The following PTN variants were observed in gnomAD, a reference collection of about 807,000 sequenced individuals.
PTN encodes the protein heparin affin regulatory protein.
In PTN, 18 loss-of-function variants were observed where a neutral mutation model predicts 24.1. The observed-to-expected ratio is 0.75, with a 90% CI of 0.52 to 1.11. The LOEUF (loss-of-function observed/expected upper bound fraction) is 1.11, where lower values mean the gene tolerates loss of function less well. Among genes scored for constraint, PTN ranks in the 50% least tolerant of loss-of-function variants. The pLI is 0.00. For synonymous variants in PTN, 78 were observed against 68.6 expected, an observed-to-expected ratio of 1.14 and a Z score of -0.67; for missense variants, 163 against 198.8, an observed-to-expected ratio of 0.82 and a Z score of 1.08.
rs994407645 is a variant in PTN at position 137,238,008 on chromosome 7, C to A, written c.452-9933G>T. ...ATGCATGAACACTAGGACGCTAGAA[C>A]AATTTTACTTCCTTCTTGCTCTTTG... On this transcript the variant is annotated intron_variant, in intron 4 of 4. Coordinates refer to ENST00000348225, the MANE Select transcript of PTN (RefSeq NM_002825.7). Among the ~76,000 whole-genome samples the A allele has an allele frequency of 2.0e-5, 3 of 152,210 alleles. 1 individual carries two copies. In the South Asian group the frequency reaches 6.2e-4, roughly 32 times the overall value.
intron 4 of PTN, among the ~76,000 whole-genome samples, chr7:137,240,506 C>T (rs542879558): frequency 1.3e-5 from 2 of 152,180 alleles, no homozygotes; most frequent in East Asian, 1.9e-4. Context: ...CACTTGCTCG[C>T]TAAAATATTT....
intron 1 of PTN, among the ~76,000 whole-genome samples, chr7:137,277,405 C>T (rs907843258): frequency 3.3e-5 from 5 of 152,202 alleles, no homozygotes; most frequent in Admixed American, 1.3e-4. Flanking sequence ...AACCCAGCCA[C>T]TTTTCCCAAG....
intron 4 of PTN, among the ~76,000 whole-genome samples, chr7:137,232,901 C>T (rs1808452474): frequency 1.3e-5 from 2 of 151,900 alleles, no homozygotes; most frequent in Non-Finnish European, 2.9e-5. Flanking sequence ...TTTCCTGCCA[C>T]CCTGTGAAGA....
chr7:137,315,765 C>T (rs1048044851), intron 1 of PTN, among the ~76,000 whole-genome samples: 1 of 152,058 alleles, frequency 6.6e-6, no homozygotes, highest in Non-Finnish European at 1.5e-5. Context: ...AGAAGGGCGG[C>T]TTTGGAGCTG....
At chr7:137,255,854 AC>A (rs1192622218) in intron 1 of PTN, among the ~76,000 whole-genome samples, 2 of 152,198 alleles carry the variant, frequency 1.3e-5, no homozygotes, top group African/African-American at 4.8e-5. Flanking sequence ...CAATGGCTAC[AC>A]CATATCATGG....
intron 1 of PTN, among the ~76,000 whole-genome samples, chr7:137,271,664 A>G (rs1007847208): frequency 6.6e-6 from 1 of 152,216 alleles, no homozygotes; most frequent in African/African-American, 2.4e-5. Context: ...AATTGAAAAG[A>G]GCTGGAGACT....
chr7:137,233,874 T>C (rs1808471512), intron 4 of PTN, among the ~76,000 whole-genome samples: 2 of 144,480 alleles, frequency 1.4e-5, no homozygotes, highest in Admixed American at 6.9e-5. Context: ...TACAGACTCA[T>C]ATAAAAACCA....
At chr7:137,312,412 C>G (rs888453829) in intron 1 of PTN, among the ~76,000 whole-genome samples, 1 of 152,192 alleles carries the variant, frequency 6.6e-6, no homozygotes, top group African/African-American at 2.4e-5. Context: ...AAATGAGAAA[C>G]AGAAGATGCT....
chr7:137,231,762 G>C (rs2128867358), intron 4 of PTN, among the ~76,000 whole-genome samples: 1 of 152,036 alleles, frequency 6.6e-6, no homozygotes, highest in Admixed American at 6.6e-5. Flanking sequence ...TCAAATTTCA[G>C]TCTATCTTTA....
At chr7:137,241,851 C>T (rs1185949363) in intron 4 of PTN, among the ~76,000 whole-genome samples, 1 of 152,144 alleles carries the variant, frequency 6.6e-6, no homozygotes, top group East Asian at 1.9e-4. Flanking sequence ...CTCTTCTGGC[C>T]AAGTACAAGG....
At chr7:137,280,734 T>TGG (rs1308175321) in intron 1 of PTN, among the ~76,000 whole-genome samples, 4 of 43,472 alleles carry the variant, frequency 9.2e-5, no homozygotes, top group Non-Finnish European at 2.1e-4. Flanking sequence ...AAGCTGAGTG[T>TGG]GGTGGCACGT....
chr7:137,256,095 T>C (rs893934148), intron 1 of PTN, among the ~76,000 whole-genome samples: 1 of 152,268 alleles, frequency 6.6e-6, no homozygotes, highest in Non-Finnish European at 1.5e-5. Flanking sequence ...ATTTTCCTCA[T>C]TGAAAAATAT....
In PTN at chr7:137,280,620, G is replaced by A. The variant is rs555969350; in HGVS notation, c.-1-25646C>T. Among the ~76,000 whole-genome samples the A allele has an allele frequency of 1.6e-4, 23 of 148,010 alleles. 1 individual carries two copies. The South Asian group carries it at 4.1e-3, about 26-fold the overall frequency. On this transcript the variant is annotated intron_variant, in intron 1 of 4. Transcript: ENST00000348225. ...TGTAATCCCAGCAATTTGGGAGGCCGAGGCAGGTGGATCACTTGAGGCCAG... is the reference window on the plus strand; with the variant it reads ...TGTAATCCCAGCAATTTGGGAGGCCAAGGCAGGTGGATCACTTGAGGCCAG...
intron 4 of PTN, 126 bp from the exon 5 acceptor site, chr7:137,228,201 G>T (rs556234528): frequency 1.5e-6 from 1 of 650,392 alleles, no homozygotes; most frequent in Admixed American, 2.6e-5. Flanking sequence ...TTTGCTCTTG[G>T]TAGTTCTCTT....
chr7:137,227,853 T>C lies in PTN; in HGVS notation c.*167A>G, dbSNP rs548815011. On this transcript the variant is annotated 3_prime_UTR_variant, in exon 5 of 5. Transcript: ENST00000348225. Reference sequence around the variant, plus strand: ...ATAAGCCCCTACTGGTACTATAGTATACATTTAAAAAACGCTACTACAAAA... The same window carrying C: ...ATAAGCCCCTACTGGTACTATAGTACACATTTAAAAAACGCTACTACAAAA... 178 of 695,642 alleles carry C rather than the reference T, an allele frequency of 2.6e-4. 1 individual carries two copies. The highest frequency in any genetic ancestry group is 2.1e-3 in the Middle Eastern group (6 of 2,926). The allele number at this position is 695,642 out of a possible 1,614,324, so 43.1% of individuals were successfully genotyped here. A position where few individuals can be genotyped will look rare whatever the true frequency, so the allele number is the denominator to read the frequency against.
chr7:137,331,709 T>A (rs1364845789), intron 1 of PTN, among the ~76,000 whole-genome samples: 1 of 152,158 alleles, frequency 6.6e-6, no homozygotes, highest in Non-Finnish European at 1.5e-5. Context: ...CTTCTCAGGC[T>A]CTTGAGAGGA....
chr7:137,277,346 G>A (rs1311086004), intron 1 of PTN, among the ~76,000 whole-genome samples: 2 of 152,060 alleles, frequency 1.3e-5, no homozygotes, highest in East Asian at 1.9e-4. Context: ...AACCACTATT[G>A]AACACATTTT....
intron 4 of PTN, chr7:137,236,287 A>G (rs761706843): frequency 2.2e-4 from 152 of 701,776 alleles, no homozygotes; most frequent in Non-Finnish European, 3.3e-4. Flanking sequence ...CAAATCATAA[A>G]GGGCCCATTC....
At chr7:137,310,542 C>T (rs1809964542) in intron 1 of PTN, among the ~76,000 whole-genome samples, 1 of 151,928 alleles carries the variant, frequency 6.6e-6, no homozygotes, top group African/African-American at 2.4e-5. Context: ...GGATTACAGG[C>T]ATGCGCCACC....
Sources: allele counts gnomAD v4.1 joint callset (sites outside exome capture counted in the v4.1 genomes callset), GRCh38; gene constraint gnomAD v4.1.1; transcripts MANE v1.5; gene names NCBI Gene and HGNC (gene_info 2026-07-23, HGNC 2026-07-21).